The following TNKS1BP1 variants were observed in gnomAD, a reference collection of about 807,000 sequenced individuals.
TNKS1BP1 encodes the protein CCR4-NOT transcription complex subunit 12.
A neutral mutation model predicts 141.1 loss-of-function variants in TNKS1BP1; 48 were observed. That is an observed-to-expected ratio of 0.34 (90% CI 0.27 to 0.43). The LOEUF (loss-of-function observed/expected upper bound fraction) is 0.43, where lower values mean the gene tolerates loss of function less well. TNKS1BP1 is among the 20% of genes least tolerant of loss of function. The pLI is 1.00. For synonymous variants in TNKS1BP1, 875 were observed against 898.2 expected, an observed-to-expected ratio of 0.97 and a Z score of 0.46; for missense variants, 2,149 against 2,226.0, an observed-to-expected ratio of 0.97 and a Z score of 0.70.
chr11:57,308,521 C>T lies in TNKS1BP1; in HGVS notation c.4190G>A (p.Arg1397Lys), dbSNP rs1855648516. 1 of 1,614,074 alleles carries T rather than the reference C, an allele frequency of 6.2e-7. No individual in the cohort carries two copies. The highest frequency in any genetic ancestry group is 1.3e-5 in the African/African-American group (1 of 74,926). Reference protein sequence around the residue: ...GLEARDPLEARELGVGETSGP... With the variant: ...GLEARDPLEAKELGVGETSGP... The stretch of plus-strand genomic sequence containing the variant: ...ACTTGTCTCACCAACCCCCAGCTCC[C>T]TGGCCTCCAAGGGGTCTCTGGCCTC... Residue 1397 changes from arginine (R) to lysine (K), a missense_variant, in exon 6 of 12, where the codon AGG becomes AAG. Arg to Lys is a conservative substitution (Grantham distance 26, BLOSUM62 2). Coordinates refer to ENST00000358252, the MANE Select transcript of TNKS1BP1 (RefSeq NM_033396.3).
At chr11:57,300,499 T>TG in intron 11 of TNKS1BP1, 29 bp downstream of exon 11, 1 of 1,611,888 alleles carries the variant, frequency 6.2e-7, no homozygotes, top group Non-Finnish European at 8.5e-7. Flanking sequence ...CTCCTCAGAC[T>TG]GGATCCAAGC....
At chr11:57,312,032 A>G (rs1354861105) in intron 5 of TNKS1BP1, among the ~76,000 whole-genome samples, 3 of 152,222 alleles carry the variant, frequency 2.0e-5, no homozygotes, top group Non-Finnish European at 4.4e-5. Context: ...AGATGTGGAA[A>G]CTGAGGCAGA....
chr11:57,300,584 G>A lies in TNKS1BP1; in HGVS notation c.5146C>T (p.Pro1716Ser). ...EKSSGSEGSS[P>S]NWLQALKLKK... The stretch of plus-strand genomic sequence containing the variant: ...AGTTTCAGGGCTTGAAGCCAGTTGG[G>A]CGACGATCCTTCTGACCTAGGAGGC... The change falls in exon 11 of 12, where the codon CCC (proline) becomes TCC (serine). Residue 1716 changes from proline (P) to serine (S), a missense_variant. Physicochemically the swap from Pro to Ser is moderately conservative, Grantham distance 74. Transcript: ENST00000358252. 2 of 1,614,230 alleles carry A rather than the reference G, an allele frequency of 1.2e-6. No homozygotes were observed. The highest frequency in any genetic ancestry group is 1.7e-6 in the Non-Finnish European group (2 of 1,180,052).
intron 6 of TNKS1BP1, among the ~76,000 whole-genome samples, chr11:57,307,135 T>C (rs922661954): frequency 3.9e-5 from 6 of 152,078 alleles, no homozygotes; most frequent in Non-Finnish European, 7.4e-5. Context: ...CAAAGTTCTA[T>C]GAGTCCCAGG....
Position 57,310,282 on chromosome 11 carries a change from C to A in TNKS1BP1, c.2429G>T (p.Ser810Ile). ...EMEASSSQDQ[S>I]KVSAPGVLTA... ...GAGCACCCCTGGGGCAGACACTTTA[C>A]TCTGGTCTTGGCTGCTGCTGGCCTC... The change falls in exon 6 of 12, where the codon AGT becomes ATT. Residue 810 changes from serine to isoleucine, a missense_variant. Transcript: ENST00000358252. 6.2e-7 allele frequency: 1 copy of A among 1,614,074 alleles called. No individual in the cohort carries two copies. Among genetic ancestry groups the A allele is most frequent in the Non-Finnish European group, 8.5e-7 (1 of 1,180,030 alleles).
At position 57,308,849 on chromosome 11, in the gene TNKS1BP1, T is replaced by G. The variant is rs1416302691; in HGVS notation, c.3862A>C (p.Arg1288=). ...QADWTPDLGL[R]NMAPGAVCSP... is the part of the protein sequence containing the mutation. ...CAGACTGCCCCTGGGGCCATGTTTC[T>G]CAGCCCAAGGTCAGGTGTCCAGTCT... The change falls in exon 6 of 12, where the codon AGA becomes CGA. Residue 1288 remains arginine, a synonymous_variant. Coordinates refer to ENST00000358252, the MANE Select transcript of TNKS1BP1 (RefSeq NM_033396.3). The G allele has an allele frequency of 1.2e-6, 2 of 1,613,956 alleles. No homozygotes were observed. The highest frequency in any genetic ancestry group is 1.7e-6 in the Non-Finnish European group (2 of 1,180,040).
chr11:57,319,979 A>T, intron 3 of TNKS1BP1, 100 bp downstream of exon 3: 1 of 1,505,744 alleles, frequency 6.6e-7, no homozygotes, highest in Non-Finnish European at 9.0e-7. Flanking sequence ...TAAAAGTCAC[A>T]ACCCTATATG....
At position 57,308,794 on chromosome 11, in the gene TNKS1BP1, A is replaced by G; in HGVS notation, c.3917T>C (p.Val1306Ala). The change falls in exon 6 of 12, where the codon GTG (valine) becomes GCG (alanine). Residue 1306 changes from valine (V) to alanine (A), a missense_variant. By Grantham distance (64) the Val-to-Ala change is moderately conservative. Transcript: ENST00000358252. The stretch of plus-strand genomic sequence containing the variant: ...ATTGTTACCCCAGTCCATCTGGCCC[A>G]CCCCAAGCTCTTTGGACTCTCCAGG... ...CSPGESKELG[V>A]GQMDWGNNLG... 6.2e-7 allele frequency: 1 copy of G among 1,613,908 alleles called. No individual in the cohort carries two copies.
chr11:57,324,063 G>C (rs1855925025), intron 1 of TNKS1BP1, among the ~76,000 whole-genome samples: 1 of 152,208 alleles, frequency 6.6e-6, no homozygotes, highest in Admixed American at 6.5e-5. Context: ...AAGAGACCAG[G>C]GGGTAGAGGG....
Position 57,313,719 on chromosome 11 carries a change from A to C in TNKS1BP1, c.969T>G (p.Pro323=). 1.9e-6 allele frequency: 3 copies of C among 1,593,026 alleles called. No individual in the cohort carries two copies. Among genetic ancestry groups the C allele is most frequent in the Non-Finnish European group, 2.6e-6 (3 of 1,170,060 alleles). ...GGCAGGGAGAAGCCTGGGAAGCTTC[A>C]GGAGTCTGGGCTTCCAGAAGCTGTG... ...CHSQLLEAQT[P]EASQASPCPA... is the part of the protein sequence containing the mutation. The change falls in exon 5 of 12, where the codon CCT becomes CCG. Residue 323 remains proline (P), a synonymous_variant. Transcript: ENST00000358252.
chr11:57,321,485 A>G (rs1855885734), intron 2 of TNKS1BP1, among the ~76,000 whole-genome samples: 1 of 152,130 alleles, frequency 6.6e-6, no homozygotes, highest in Non-Finnish European at 1.5e-5. Context: ...TCAAACTCCC[A>G]CTTGTACACT....
intron 1 of TNKS1BP1, 190 bp from the exon 2 acceptor site, chr11:57,322,140 C>T (rs1855898638): frequency 1.0e-5 from 11 of 1,054,510 alleles, no homozygotes; most frequent in Non-Finnish European, 1.4e-5. Flanking sequence ...TTCAAAGATC[C>T]TCCCCAACTC....
intron 2 of TNKS1BP1, among the ~76,000 whole-genome samples, chr11:57,321,384 G>A (rs1051095651): frequency 1.3e-5 from 2 of 151,766 alleles, no homozygotes; most frequent in Non-Finnish European, 2.9e-5. Context: ...AAGTACCCTC[G>A]TCCACAGTCC....
Position 57,302,903 on chromosome 11 carries a change from T to G in TNKS1BP1, c.4317-78A>C. On this transcript the variant is annotated intron_variant, in intron 6 of 11. Transcript: ENST00000358252. The surrounding 1 kb of genome is among the most constrained non-coding windows in gnomAD (Gnocchi z 5.5). ...CCCTGAAGCCTACTTCACAAGCTCC[T>G]TCCCCCAGCCCCCAAACTCTCCCTT... 5.7e-6 allele frequency: 8 copies of G among 1,414,436 alleles called. No individual in the cohort carries two copies. Among genetic ancestry groups the G allele is most frequent in the Non-Finnish European group, 5.6e-6 (6 of 1,080,474 alleles). 87.6% of individuals were successfully genotyped at this position (1,414,436 alleles called of 1,614,324 possible). A position where few individuals can be genotyped will look rare whatever the true frequency, so the allele number is the denominator to read the frequency against.
At chr11:57,300,447 G>T in intron 11 of TNKS1BP1, 81 bp downstream of exon 11, 1 of 1,313,424 alleles carries the variant, frequency 7.6e-7, no homozygotes, top group Non-Finnish European at 1.1e-6. Context: ...GGAGCTAAGG[G>T]ACAGAAGGGG....
chr11:57,320,092 T>A lies in TNKS1BP1; in HGVS notation c.715A>T (p.Thr239Ser). 1 of 1,356,028 alleles carries A rather than the reference T, an allele frequency of 7.4e-7. No individual in the cohort carries two copies. The allele number at this position is 1,356,028 out of a possible 1,614,324, so 84.0% of individuals were successfully genotyped here. A position where few individuals can be genotyped will look rare whatever the true frequency, so the allele number is the denominator to read the frequency against. The stretch of plus-strand genomic sequence containing the variant: ...CCCACCCTTCACCTCTCCTCAGGGG[T>A]CTTGCTGTGCTCTTCCCGGCACTCT... Reference protein sequence around the residue: ...PAECREEHSKTPEERSLPSDL... With the variant: ...PAECREEHSKSPEERSLPSDL... Residue 239 changes from threonine (T) to serine (S), a missense_variant, in exon 3 of 12, where the codon ACC (threonine) becomes TCC (serine). Thr to Ser is a moderately conservative substitution (Grantham distance 58). Coordinates refer to ENST00000358252, the MANE Select transcript of TNKS1BP1 (RefSeq NM_033396.3).
chr11:57,308,039 G>A (rs2134353253), intron 6 of TNKS1BP1, among the ~76,000 whole-genome samples: 1 of 152,306 alleles, frequency 6.6e-6, no homozygotes, highest in East Asian at 1.9e-4. Context: ...TGGCTTCAGG[G>A]CTGAGAGGCC....
chr11:57,308,782 T>A lies in TNKS1BP1; in HGVS notation c.3929A>T (p.Asp1310Val). 1 of 1,613,846 alleles carries A rather than the reference T, an allele frequency of 6.2e-7. No individual in the cohort carries two copies. The highest frequency in any genetic ancestry group is 8.5e-7 in the Non-Finnish European group (1 of 1,179,946). ...CCTCAGGCCCAGATTGTTACCCCAGTCCATCTGGCCCACCCCAAGCTCTTT... is the reference window on the plus strand; with the variant it reads ...CCTCAGGCCCAGATTGTTACCCCAGACCATCTGGCCCACCCCAAGCTCTTT... ...ESKELGVGQM[D>V]WGNNLGLRDL... Residue 1310 changes from aspartate to valine, a missense_variant, in exon 6 of 12, where the codon GAC (aspartate) becomes GTC (valine). Asp to Val is a radical substitution (Grantham distance 152, BLOSUM62 -3). Transcript: ENST00000358252.
At chr11:57,315,936 C>A (rs139257908) in intron 4 of TNKS1BP1, among the ~76,000 whole-genome samples, 8 of 152,124 alleles carry the variant, frequency 5.3e-5, no homozygotes, top group African/African-American at 1.7e-4. Flanking sequence ...GCTCTAATTT[C>A]TTCTGTCTTG....
Sources: allele counts gnomAD v4.1 joint callset (sites outside exome capture counted in the v4.1 genomes callset), GRCh38; gene constraint gnomAD v4.1.1; non-coding constraint Gnocchi (gnomAD v3.1); transcripts MANE v1.5; gene names NCBI Gene and HGNC (gene_info 2026-07-23, HGNC 2026-07-21).